Variants in CCSER2 observed in about 807,000 individuals in gnomAD.
The protein encoded by CCSER2 is coiled-coil serine rich protein 2.
In CCSER2, 46 loss-of-function variants were observed where a neutral mutation model predicts 92.3. The observed-to-expected ratio is 0.50, with a 90% CI of 0.39 to 0.64. CCSER2 has a LOEUF of 0.64. Ranked by LOEUF, CCSER2 falls within the 30% of genes least tolerant of loss-of-function variation. The probability of loss-of-function intolerance (pLI) is 0.00; values close to 1 mark genes in which losing one functional copy is unlikely to be tolerated. For missense variants in CCSER2, 1,244 were observed against 1,238.9 expected (o/e 1.00, Z -0.06); for synonymous variants, 433 against 431.4 (o/e 1.00, Z -0.04).
At chr10:84,365,510 A>G (rs1845732268) in intron 1 of CCSER2, among the ~76,000 whole-genome samples, 1 of 152,226 alleles carries the variant, frequency 6.6e-6, no homozygotes, top group African/African-American at 2.4e-5. Context: ...CCAAAGTTCA[A>G]GATGATTGAT....
At chr10:84,365,841 A>G (rs1218624112) in intron 1 of CCSER2, among the ~76,000 whole-genome samples, 2 of 152,310 alleles carry the variant, frequency 1.3e-5, no homozygotes, top group East Asian at 3.9e-4. Context: ...AGGCTCTTTA[A>G]TCTTTAACAT....
At chr10:84,438,936 G>A (rs1844354357) in intron 6 of CCSER2, among the ~76,000 whole-genome samples, 1 of 152,104 alleles carries the variant, frequency 6.6e-6, no homozygotes, top group Admixed American at 6.5e-5. Context: ...GTGATATTTG[G>A]TAAGCCAATC....
At chr10:84,443,909 G>A (rs1054919593) in intron 6 of CCSER2, among the ~76,000 whole-genome samples, 1 of 152,088 alleles carries the variant, frequency 6.6e-6, no homozygotes, top group East Asian at 1.9e-4. Flanking sequence ...ACCAAACACT[G>A]CATGTTCTTA....
chr10:84,477,423 TACCTC>T (rs1847214774), intron 8 of CCSER2, 147 bp from the exon 9 acceptor site: 1 of 514,244 alleles, frequency 1.9e-6, no homozygotes, highest in Non-Finnish European at 3.4e-6. Context: ...GAGCCCTGAT[TACCTC>T]CTGTCATGGC....
chr10:84,453,070 A>T (rs1845392324), intron 6 of CCSER2, among the ~76,000 whole-genome samples: 1 of 152,164 alleles, frequency 6.6e-6, no homozygotes, highest in Non-Finnish European at 1.5e-5. Context: ...AATAAAAAGG[A>T]GCAGAATTTT....
intron 6 of CCSER2, among the ~76,000 whole-genome samples, chr10:84,447,501 A>T (rs1010671264): frequency 3.3e-5 from 5 of 152,096 alleles, no homozygotes; most frequent in African/African-American, 1.2e-4. Context: ...GTGTTTTTTC[A>T]CTGTCTGATA....
intron 6 of CCSER2, among the ~76,000 whole-genome samples, chr10:84,439,367 T>C (rs1235113575): frequency 6.6e-6 from 1 of 152,176 alleles, no homozygotes; most frequent in Non-Finnish European, 1.5e-5. Flanking sequence ...AAAATACTAA[T>C]TTTAAGTCAT....
At chr10:84,472,104 A>G (rs1015167546) in intron 8 of CCSER2, among the ~76,000 whole-genome samples, 1 of 152,206 alleles carries the variant, frequency 6.6e-6, no homozygotes, top group African/African-American at 2.4e-5. Flanking sequence ...TAAAAACAGC[A>G]TAAAACTAAA....
intron 6 of CCSER2, among the ~76,000 whole-genome samples, chr10:84,449,096 C>A (rs1284317833): frequency 5.9e-5 from 9 of 152,176 alleles, no homozygotes; most frequent in African/African-American, 2.2e-4. Flanking sequence ...AAAATCAGGC[C>A]AGGCGCGGTG....
At chr10:84,506,721 G>T (rs935298544) in intron 9 of CCSER2, among the ~76,000 whole-genome samples, 1 of 152,022 alleles carries the variant, frequency 6.6e-6, no homozygotes, top group Non-Finnish European at 1.5e-5. Context: ...CTTGAACCTG[G>T]GAGGTGGAGG....
intron 5 of CCSER2, among the ~76,000 whole-genome samples, chr10:84,432,409 C>G (rs1285208810): frequency 6.6e-6 from 1 of 152,164 alleles, no homozygotes; most frequent in Non-Finnish European, 1.5e-5. Flanking sequence ...CTCCTCTTTC[C>G]CTCCCCTGTC....
chr10:84,388,592 T>A (rs1265028951), intron 3 of CCSER2, among the ~76,000 whole-genome samples: 1 of 152,196 alleles, frequency 6.6e-6, no homozygotes, highest in East Asian at 1.9e-4. Context: ...GCTTCCTACC[T>A]GAAGCCCTAT....
rs371597992 is a variant in CCSER2 at position 84,478,796 on chromosome 10, A to G, written c.2325+1132A>G. Among the ~76,000 whole-genome samples the G allele has an allele frequency of 1.4e-4, 21 of 152,340 alleles. No homozygotes were observed. In the East Asian group the frequency reaches 4.0e-3, roughly 29 times the overall value. ...AGGTTCAAAGGATGTGGGAAAGTCT[A>G]GTTGAAAGAATCAAGGAGCTTGGTG... On this transcript the variant is annotated intron_variant, in intron 9 of 9. Coordinates refer to ENST00000372088, the MANE Select transcript of CCSER2 (RefSeq NM_001284240.2).
chr10:84,484,944 T>C (rs567948111), intron 9 of CCSER2, among the ~76,000 whole-genome samples: 2 of 152,330 alleles, frequency 1.3e-5, no homozygotes, highest in East Asian at 3.9e-4. Context: ...ATGGATATTA[T>C]AGCAGTTGAG....
Position 84,514,475 on chromosome 10 carries a change from A to T in CCSER2, c.*208A>T. On this transcript the variant is annotated 3_prime_UTR_variant, in exon 10 of 10. Coordinates refer to ENST00000372088, the MANE Select transcript of CCSER2 (RefSeq NM_001284240.2). ...CCATTTGAGCATAATTATCTCAGGT[A>T]AACACGAAAGTTTGCTTACCCATTT... is the stretch of plus-strand genomic sequence containing the variant. 1 of 546,910 alleles carries T rather than the reference A, an allele frequency of 1.8e-6. No individual in the cohort carries two copies. The highest frequency in any genetic ancestry group is 2.6e-5 in the South Asian group (1 of 38,124). 33.9% of individuals were successfully genotyped at this position (546,910 alleles called of 1,614,324 possible).
At chr10:84,509,402 A>T (rs1349916488) in intron 9 of CCSER2, among the ~76,000 whole-genome samples, 1 of 152,226 alleles carries the variant, frequency 6.6e-6, no homozygotes. Flanking sequence ...AGCATGGTAC[A>T]TGCCTGAAAG....
chr10:84,352,137 A>G (rs1478593094), intron 1 of CCSER2, among the ~76,000 whole-genome samples: 1 of 152,008 alleles, frequency 6.6e-6, no homozygotes, highest in Non-Finnish European at 1.5e-5. Context: ...TGTCTCTACT[A>G]AAAATATAAA....
rs543788124 is a variant in CCSER2 at position 84,371,184 on chromosome 10, T to C, written c.132T>C (p.Asn44=). 49 of 1,613,516 alleles carry C rather than the reference T, an allele frequency of 3.0e-5. No individual in the cohort carries two copies. The South Asian group carries it at 4.2e-4, about 14-fold the overall frequency. The change falls in exon 2 of 10, where the codon AAT becomes AAC. Residue 44 remains asparagine, a synonymous_variant. Coordinates refer to ENST00000372088, the MANE Select transcript of CCSER2 (RefSeq NM_001284240.2). ...TTAATTTATTAGGAACTTCCAAGAATAGTAATGTCAAAAGTTACATCAAAA... is the reference window on the plus strand; with the variant it reads ...TTAATTTATTAGGAACTTCCAAGAACAGTAATGTCAAAAGTTACATCAAAA... The part of the protein sequence containing the change: ...TPVNLLGTSK[N]SNVKSYIKNN...
intron 3 of CCSER2, among the ~76,000 whole-genome samples, chr10:84,387,892 T>G (rs1286362728): frequency 6.6e-6 from 1 of 151,306 alleles, no homozygotes; most frequent in Non-Finnish European, 1.5e-5. Context: ...TGAGACGGAG[T>G]CTTGCTCTTC....
Sources: allele counts gnomAD v4.1 joint callset (sites outside exome capture counted in the v4.1 genomes callset), GRCh38; gene constraint gnomAD v4.1.1; transcripts MANE v1.5; gene names NCBI Gene and HGNC (gene_info 2026-07-23, HGNC 2026-07-21).